Variants in GUCY2F observed in about 807,000 individuals in gnomAD.
The protein encoded by GUCY2F is retinal guanylyl cyclase 2.
In GUCY2F, 61 loss-of-function variants were observed where a neutral mutation model predicts 73.1. The observed-to-expected ratio is 0.83, with a 90% CI of 0.68 to 1.03. The LOEUF (loss-of-function observed/expected upper bound fraction) is 1.03, where lower values mean the gene tolerates loss of function less well. Ranked by LOEUF, GUCY2F falls within the 50% of genes least tolerant of loss-of-function variation. The pLI is 0.00. For synonymous variants in GUCY2F, 331 were observed against 307.8 expected (o/e 1.08, Z -0.79); for missense variants, 912 against 854.3 (o/e 1.07, Z -0.84).
chrX:109,382,309 C>A, intron 16 of GUCY2F, 97 bp from the exon 17 acceptor site: 1 of 527,104 alleles, frequency 1.9e-6, no homozygotes, highest in African/African-American at 2.3e-5. Context: ...TGTAAATGAA[C>A]TAGACCATTA....
At chrX:109,471,167 G>C (rs192792561) in intron 2 of GUCY2F, among the ~76,000 whole-genome samples, 2 of 112,032 alleles carry the variant, frequency 1.8e-5, no homozygotes, top group East Asian at 5.6e-4. Flanking sequence ...TATTCCAATG[G>C]TGTCATATTT....
intron 8 of GUCY2F, among the ~76,000 whole-genome samples, chrX:109,415,283 C>A (rs1450429034): frequency 9.0e-6 from 1 of 111,712 alleles, no homozygotes; most frequent in Non-Finnish European, 1.9e-5. Flanking sequence ...TGGGAAAATG[C>A]AAAAACTGGT....
Position 109,390,134 on chromosome X carries a change from CAAGGATATGG to C in GUCY2F, c.2782-1481_2782-1472del, listed in dbSNP as rs199630797. Reference sequence around the variant, plus strand: ...GATGAGTCAGTCACCCAGGAGGCCCCAAGGATATGGATGAGGAGATTAGAAGAGCAGGGAG... The same window carrying C: ...GATGAGTCAGTCACCCAGGAGGCCCCATGAGGAGATTAGAAGAGCAGGGAG... On this transcript the variant is annotated intron_variant, in intron 14 of 19. Coordinates refer to ENST00000218006, the MANE Select transcript of GUCY2F (RefSeq NM_001522.3). 6.5e-3 allele frequency among the ~76,000 whole-genome samples: 723 copies of C among 111,025 alleles called. 5 individuals carry two copies. The highest frequency in any genetic ancestry group is 0.023 in the African/African-American group (696 of 30,512).
rs372519774 is a variant in GUCY2F, at chrX:109,395,325, G to C, written c.2424+16C>G. On this transcript the variant is annotated intron_variant, in intron 12 of 19. Coordinates refer to ENST00000218006, the MANE Select transcript of GUCY2F (RefSeq NM_001522.3). ...CAGGAAGGCTCCTGGGCAATGATAA[G>C]ATTCAGAGTCCTTACCTGGTTAAAT... is the stretch of plus-strand genomic sequence containing the variant. The C allele has an allele frequency of 5.9e-6, 7 of 1,193,862 alleles. No individual in the cohort carries two copies. In the African/African-American group the frequency reaches 8.8e-5, roughly 15 times the overall value.
chrX:109,387,048 A>G (rs1164150879), intron 15 of GUCY2F, among the ~76,000 whole-genome samples: 2 of 111,894 alleles, frequency 1.8e-5, no homozygotes, highest in African/African-American at 6.5e-5. Flanking sequence ...GCCTAATGGA[A>G]GGACAGACAA....
chrX:109,480,996 GAGAA>G (rs1369369272), intron 1 of GUCY2F, among the ~76,000 whole-genome samples: 3 of 97,458 alleles, frequency 3.1e-5, no homozygotes, highest in Admixed American at 1.2e-4. Context: ...GAGGGAAGAA[GAGAA>G]AGAAGGAAGG....
chrX:109,408,628 G>A (rs112112822), intron 9 of GUCY2F, among the ~76,000 whole-genome samples: 2,118 of 111,960 alleles, frequency 0.019, 44 homozygotes, highest in African/African-American at 0.059. Flanking sequence ...TAATTGAATC[G>A]TGAGGGCTGG....
At chrX:109,431,906 GAAA>G (rs747439751) in intron 7 of GUCY2F, among the ~76,000 whole-genome samples, 1 of 79,122 alleles carries the variant, frequency 1.3e-5, no homozygotes, top group Non-Finnish European at 2.5e-5. Flanking sequence ...TCAGCAGCTG[GAAA>G]AAAAAAAAAA....
intron 14 of GUCY2F, among the ~76,000 whole-genome samples, chrX:109,389,893 A>T (rs1374442520): frequency 9.0e-6 from 1 of 111,522 alleles, no homozygotes; most frequent in South Asian, 3.8e-4. Flanking sequence ...TACTATAGCC[A>T]ATAACAATAA....
Position 109,382,231 on chromosome X carries a change from C to T in GUCY2F, c.3056-19G>A. The T allele has an allele frequency of 1.0e-6, 1 of 988,944 alleles. No homozygotes were observed. Among genetic ancestry groups the T allele is most frequent in the Admixed American group, 2.2e-5 (1 of 44,579 alleles). The allele number at this position is 988,944 out of a possible 1,213,427, so 81.5% of individuals were successfully genotyped here. On this transcript the variant is annotated intron_variant, in intron 16 of 19. Coordinates refer to ENST00000218006, the MANE Select transcript of GUCY2F (RefSeq NM_001522.3). ...CGATAAGCTGCAAAAGAAGGAGAGA[C>T]ATGATTTGGGCTCCTTTCTCACTGG...
chrX:109,437,090 C>T (rs981072384), intron 7 of GUCY2F, among the ~76,000 whole-genome samples: 2 of 110,823 alleles, frequency 1.8e-5, no homozygotes, highest in African/African-American at 6.5e-5. Context: ...AGAAGACACA[C>T]TACTTCTTTG....
chrX:109,409,088 T>A lies in GUCY2F; in HGVS notation c.1872A>T (p.Glu624Asp), dbSNP rs746511842. 1.9e-5 allele frequency: 21 copies of A among 1,096,536 alleles called. No homozygotes were observed. In the South Asian group the frequency reaches 3.7e-4, roughly 19 times the overall value. The allele number at this position is 1,096,536 out of a possible 1,213,427, so 90.4% of individuals were successfully genotyped here. The change falls in exon 9 of 20, where the codon GAA becomes GAT. Residue 624 changes from glutamate (E) to aspartate (D), a missense_variant. Coordinates refer to ENST00000218006, the MANE Select transcript of GUCY2F (RefSeq NM_001522.3). ...YDSGMFAIVT[E>D]FCSRGSLEDI... Reference sequence around the variant, plus strand: ...CTTCTAGGCTCCCTCGGGAACAGAATTCTGTCACAATGGCAAACATCCCCG... The same window carrying A: ...CTTCTAGGCTCCCTCGGGAACAGAAATCTGTCACAATGGCAAACATCCCCG...
chrX:109,467,816 G>A (rs1263051891), intron 2 of GUCY2F, among the ~76,000 whole-genome samples: 2 of 112,575 alleles, frequency 1.8e-5, no homozygotes, highest in Admixed American at 1.9e-4. Context: ...CACTGTGGGA[G>A]TGATTACACT....
chrX:109,390,232 C>T (rs1930528583), intron 14 of GUCY2F, among the ~76,000 whole-genome samples: 1 of 111,065 alleles, frequency 9.0e-6, no homozygotes, highest in Admixed American at 9.6e-5. Context: ...TGTCAGTCAA[C>T]ACAAGGGTGC....
chrX:109,464,642 A>G (rs1438597779), intron 3 of GUCY2F, among the ~76,000 whole-genome samples: 2 of 112,769 alleles, frequency 1.8e-5, no homozygotes, highest in Non-Finnish European at 3.7e-5. Context: ...GCAGTGGTCC[A>G]GCAATGCCAT....
rs184744644 is a variant in GUCY2F, at chrX:109,457,397, T to A, written c.1033-3538A>T. On this transcript the variant is annotated intron_variant, in intron 3 of 19. Coordinates refer to ENST00000218006, the MANE Select transcript of GUCY2F (RefSeq NM_001522.3). The stretch of plus-strand genomic sequence containing the variant: ...CATGCCTAGCTTGAAAAGCCATCAC[T>A]TGAAGGACAAAATGGCACATCAATT... Among the ~76,000 whole-genome samples the A allele has an allele frequency of 1.1e-4, 12 of 111,711 alleles. 1 individual carries two copies. In the Admixed American group the frequency reaches 1.1e-3, roughly 11 times the overall value.
chrX:109,375,067 C>CT (rs5903335), intron 19 of GUCY2F, among the ~76,000 whole-genome samples: 24,597 of 108,932 alleles, frequency 0.23, 2,539 homozygotes, highest in East Asian at 0.65. Context: ...GTGGAGATGC[C>CT]TTAATGTTTA....
At chrX:109,408,210 G>C (rs1217617515) in intron 9 of GUCY2F, among the ~76,000 whole-genome samples, 3 of 112,278 alleles carry the variant, frequency 2.7e-5, no homozygotes, top group African/African-American at 9.7e-5. Context: ...GATCATTTTG[G>C]AGCTTTAAAA....
At chrX:109,455,266 C>G in intron 3 of GUCY2F, among the ~76,000 whole-genome samples, 1 of 112,296 alleles carries the variant, frequency 8.9e-6, no homozygotes, top group Middle Eastern at 4.6e-3. Context: ...GTCCTGTGAT[C>G]AGTGCCTAAT....
Sources: gnomAD v4.1 joint callset for allele counts (sites outside exome capture counted in the v4.1 genomes callset) on GRCh38, gnomAD v4.1.1 for gene constraint, MANE v1.5 for transcripts, NCBI Gene and HGNC (gene_info 2026-07-23, HGNC 2026-07-21) for gene names.